The following AUTS2 variants were observed in gnomAD, a reference collection of about 807,000 sequenced individuals.
AUTS2 encodes the protein autism susceptibility gene 2 protein.
Under a neutral mutation model 112.4 loss-of-function variants are expected in AUTS2, and 17 were observed. The ratio of observed to expected loss-of-function variants is 0.15; its 90% CI spans 0.10 to 0.23. The LOEUF (loss-of-function observed/expected upper bound fraction) is 0.23, where lower values mean the gene tolerates loss of function less well. Among genes scored for constraint, AUTS2 ranks in the 10% least tolerant of loss-of-function variants. AUTS2 has a pLI of 1.00. For synonymous variants in AUTS2, 751 were observed against 702.7 expected, an observed-to-expected ratio of 1.07 and a Z score of -1.09; for missense variants, 1,510 against 1,701.6, an observed-to-expected ratio of 0.89 and a Z score of 1.98.
chr7:69,658,235 A>G (rs953121085), intron 1 of AUTS2, among the ~76,000 whole-genome samples: 1 of 152,222 alleles, frequency 6.6e-6, no homozygotes, highest in African/African-American at 2.4e-5. Flanking sequence ...AATATTTGCT[A>G]TCTGGCACTT....
At chr7:70,044,061 G>A (rs764902889) in intron 2 of AUTS2, among the ~76,000 whole-genome samples, 44 of 151,754 alleles carry the variant, frequency 2.9e-4, no homozygotes, top group Non-Finnish European at 5.9e-4. Context: ...GTATTGGCGT[G>A]TGGTGTTTTT....
At chr7:70,219,306 A>G (rs1229877078) in intron 4 of AUTS2, among the ~76,000 whole-genome samples, 1 of 152,200 alleles carries the variant, frequency 6.6e-6, no homozygotes, top group Non-Finnish European at 1.5e-5. Flanking sequence ...CCATGATTTT[A>G]TTTTTAATTG....
chr7:70,075,486 C>G (rs1802982760), intron 2 of AUTS2, among the ~76,000 whole-genome samples: 1 of 152,106 alleles, frequency 6.6e-6, no homozygotes. Flanking sequence ...AAAACATAAA[C>G]TACAAATACG....
chr7:69,926,481 A>G (rs1316375181), intron 2 of AUTS2, among the ~76,000 whole-genome samples: 2 of 149,754 alleles, frequency 1.3e-5, no homozygotes, highest in African/African-American at 5.0e-5. Flanking sequence ...CTATCTATCT[A>G]TCTATCTATC....
At chr7:70,323,347 C>A (rs1484752463) in intron 4 of AUTS2, among the ~76,000 whole-genome samples, 2 of 152,162 alleles carry the variant, frequency 1.3e-5, no homozygotes, top group Admixed American at 1.3e-4. Context: ...GGTGTCTGTT[C>A]TGTGCCAGGA....
In AUTS2 at chr7:70,224,052, C is replaced by T. The variant is rs186916944; in HGVS notation, c.660+89481C>T. 4.4e-3 allele frequency among the ~76,000 whole-genome samples: 663 copies of T among 152,202 alleles called. 2 individuals carry two copies. The highest frequency in any genetic ancestry group is 0.012 in the African/African-American group (514 of 41,526). ...AAAGTAGGCCATGTGCAGTGGCTCACGCCTGTAATCCCAACATTTTAAGAG... is the reference window on the plus strand; with the variant it reads ...AAAGTAGGCCATGTGCAGTGGCTCATGCCTGTAATCCCAACATTTTAAGAG... On this transcript the variant is annotated intron_variant, in intron 4 of 18. Transcript: ENST00000342771.
chr7:70,156,416 CA>C (rs1807761812), intron 4 of AUTS2, among the ~76,000 whole-genome samples: 1 of 152,086 alleles, frequency 6.6e-6, no homozygotes, highest in African/African-American at 2.4e-5. Flanking sequence ...AATATGAGGA[CA>C]AAATTGTGAA....
At chr7:69,976,446 A>T (rs983992227) in intron 2 of AUTS2, among the ~76,000 whole-genome samples, 1 of 152,194 alleles carries the variant, frequency 6.6e-6, no homozygotes, top group Non-Finnish European at 1.5e-5. Flanking sequence ...GTGAATAGTG[A>T]TGCTATAAGA....
At chr7:69,981,726 A>G (rs1199240189) in intron 2 of AUTS2, among the ~76,000 whole-genome samples, 1 of 152,236 alleles carries the variant, frequency 6.6e-6, no homozygotes, top group African/African-American at 2.4e-5. Flanking sequence ...AAATCTTAAG[A>G]CTGAAATTTA....
rs905892095 is a variant in AUTS2, at chr7:69,914,776, C to CT, written c.522+15284dup. Among the ~76,000 whole-genome samples the CT allele has an allele frequency of 1.2e-4, 18 of 151,954 alleles. 1 individual carries two copies. The highest frequency in any genetic ancestry group is 1.1e-3 in the Admixed American group (16 of 15,238). ...ATGCAAATATTTGTGTGGGGCTCTACTTTTTTACCATGAGTACAAACTCTT... is the reference window on the plus strand; with the variant it reads ...ATGCAAATATTTGTGTGGGGCTCTACTTTTTTTACCATGAGTACAAACTCTT... On this transcript the variant is annotated intron_variant, in intron 2 of 18. Coordinates refer to ENST00000342771, the MANE Select transcript of AUTS2 (RefSeq NM_015570.4).
chr7:70,589,337 C>G (rs1802830050), intron 5 of AUTS2, among the ~76,000 whole-genome samples: 1 of 152,176 alleles, frequency 6.6e-6, no homozygotes, highest in African/African-American at 2.4e-5. Context: ...GGTGGAAAAC[C>G]CAGGAGCCAC....
chr7:70,727,457 C>A (rs1404992778), intron 6 of AUTS2, among the ~76,000 whole-genome samples: 1 of 152,152 alleles, frequency 6.6e-6, no homozygotes, highest in Non-Finnish European at 1.5e-5. Context: ...TCAAGTGATT[C>A]TCCTGCCACA....
At chr7:70,433,211 A>G (rs1795747669) in intron 4 of AUTS2, among the ~76,000 whole-genome samples, 1 of 152,210 alleles carries the variant, frequency 6.6e-6, no homozygotes, top group Non-Finnish European at 1.5e-5. Context: ...TACTGCCGTT[A>G]GGATAGGGGG....
chr7:70,180,875 G>C (rs973876768), intron 4 of AUTS2, among the ~76,000 whole-genome samples: 3 of 152,030 alleles, frequency 2.0e-5, no homozygotes, highest in African/African-American at 7.2e-5. Flanking sequence ...TATTGTGTTT[G>C]CTTTATTTTA....
intron 10 of AUTS2, among the ~76,000 whole-genome samples, chr7:70,770,525 G>A (rs1382334252): frequency 1.3e-5 from 2 of 152,156 alleles, no homozygotes; most frequent in Non-Finnish European, 2.9e-5. Context: ...CAAACCAATA[G>A]GACCTCAAAA....
chr7:69,796,997 C>T (rs573572813), intron 1 of AUTS2, among the ~76,000 whole-genome samples: 46 of 152,150 alleles, frequency 3.0e-4, no homozygotes, highest in African/African-American at 1.1e-3. Flanking sequence ...GGAAGATTTT[C>T]GTCGTGAGGA....
intron 1 of AUTS2, among the ~76,000 whole-genome samples, chr7:69,747,437 A>C (rs898375069): frequency 6.6e-6 from 1 of 152,192 alleles, no homozygotes; most frequent in Non-Finnish European, 1.5e-5. Context: ...TGAATATGGT[A>C]TGTAGGTATA....
intron 5 of AUTS2, among the ~76,000 whole-genome samples, chr7:70,616,014 G>A (rs2129535307): frequency 6.6e-6 from 1 of 152,202 alleles, no homozygotes; most frequent in South Asian, 2.1e-4. Flanking sequence ...CAAATTGCTG[G>A]GATTACAGGC....
chr7:69,625,480 G>C (rs182377039), intron 1 of AUTS2, among the ~76,000 whole-genome samples: 3 of 152,160 alleles, frequency 2.0e-5, no homozygotes, highest in Non-Finnish European at 4.4e-5. Context: ...GTGCTGACTG[G>C]TTTCCTTTCT....
Sources: gnomAD v4.1 joint callset for allele counts (sites outside exome capture counted in the v4.1 genomes callset) on GRCh38, gnomAD v4.1.1 for gene constraint, MANE v1.5 for transcripts, NCBI Gene and HGNC (gene_info 2026-07-23, HGNC 2026-07-21) for gene names.